Variants in CCR3 observed in about 807,000 individuals in gnomAD.
CCR3 encodes C-C motif chemokine receptor 3.
For missense variants in CCR3, 419 were observed against 437.5 expected (o/e 0.96, Z 0.38); for synonymous variants, 203 against 179.2 (o/e 1.13, Z -1.06).
chr3:46,259,659 G>T (rs1302545891), intron 1 of CCR3, among the ~76,000 whole-genome samples: 7 of 152,118 alleles, frequency 4.6e-5, no homozygotes, highest in Non-Finnish European at 1.0e-4. Context: ...TATAAGGAGA[G>T]AATAAATTCC....
intron 2 of CCR3, among the ~76,000 whole-genome samples, chr3:46,231,196 T>A (rs1421558313): frequency 6.6e-6 from 1 of 152,208 alleles, no homozygotes; most frequent in East Asian, 1.9e-4. Flanking sequence ...GTGCTGGGAT[T>A]ACAGGCATAA....
chr3:46,260,999 T>C (rs2125934996), intron 1 of CCR3, among the ~76,000 whole-genome samples: 1 of 152,334 alleles, frequency 6.6e-6, no homozygotes, highest in African/African-American at 2.4e-5. Flanking sequence ...TCTCTCATTC[T>C]TTCTCTCCCT....
upstream of CCR3, among the ~76,000 whole-genome samples, chr3:46,240,515 C>T (rs561023953): frequency 2.6e-4 from 40 of 152,096 alleles, no homozygotes; most frequent in Non-Finnish European, 5.0e-4. Context: ...TCCATGAAGC[C>T]GTTCCCAGTC....
intron 2 of CCR3, among the ~76,000 whole-genome samples, chr3:46,221,124 A>G (rs1699831207): frequency 6.6e-6 from 1 of 152,260 alleles, no homozygotes; most frequent in African/African-American, 2.4e-5. Context: ...TAAGTTCACA[A>G]CTTGAACTTG....
At chr3:46,232,749 G>A (rs1178434517) in intron 2 of CCR3, among the ~76,000 whole-genome samples, 5 of 152,170 alleles carry the variant, frequency 3.3e-5, no homozygotes, top group Non-Finnish European at 7.3e-5. Context: ...AATCACAGGT[G>A]GCCCACCACC....
At chr3:46,253,603 G>C (rs769186575) in intron 1 of CCR3, among the ~76,000 whole-genome samples, 1 of 152,050 alleles carries the variant, frequency 6.6e-6, no homozygotes, top group Non-Finnish European at 1.5e-5. Context: ...TATTAATTTA[G>C]ATTAAATTAA....
chr3:46,247,076 TAG>T (rs1559532793), intron 1 of CCR3, among the ~76,000 whole-genome samples: 1 of 152,066 alleles, frequency 6.6e-6, no homozygotes, highest in Non-Finnish European at 1.5e-5. Flanking sequence ...GACATCTGAT[TAG>T]AGAGTGCCTA....
chr3:46,214,272 C>T (rs932646522), intron 2 of CCR3, among the ~76,000 whole-genome samples: 16 of 152,130 alleles, frequency 1.1e-4, no homozygotes, highest in Non-Finnish European at 2.4e-4. Context: ...CACCTCTCAC[C>T]TCCCCTGCTA....
chr3:46,235,052 G>A (rs150597550), intron 2 of CCR3, among the ~76,000 whole-genome samples: 21 of 152,310 alleles, frequency 1.4e-4, no homozygotes, highest in African/African-American at 5.1e-4. Context: ...TTTTAAATTG[G>A]TCAGATTTGG....
chr3:46,229,663 G>A (rs1575490091), intron 2 of CCR3, among the ~76,000 whole-genome samples: 2 of 152,218 alleles, frequency 1.3e-5, no homozygotes, highest in South Asian at 4.1e-4. Context: ...TAACAGATGT[G>A]TACAGCTGTC....
At chr3:46,224,184 T>C (rs77045368) in intron 2 of CCR3, among the ~76,000 whole-genome samples, 3,351 of 152,262 alleles carry the variant, frequency 0.022, 115 homozygotes, top group African/African-American at 0.067. Context: ...TCTGCATCAC[T>C]AATCATTTGA....
rs114524718 is a variant in CCR3, at chr3:46,219,049, C to T, written c.-68+8142C>T. 2.9e-3 allele frequency among the ~76,000 whole-genome samples: 443 copies of T among 152,188 alleles called. 1 individual carries two copies. The highest frequency in any genetic ancestry group is 0.01 in the African/African-American group (419 of 41,532). On this transcript the variant is annotated intron_variant, in intron 2 of 3. Coordinates refer to the CCR3 transcript ENST00000357422. ...GAAGAAGTCAAACTGTCGCTGTTTG[C>T]CCATGATATGATCACATACCTAGAA...
chr3:46,251,497 G>A (rs552899750), intron 1 of CCR3, among the ~76,000 whole-genome samples: 4 of 152,212 alleles, frequency 2.6e-5, no homozygotes, highest in South Asian at 2.1e-4. Context: ...TGGGCTGGTC[G>A]GTCTGAGGAC....
chr3:46,254,367 C>CA (rs1160143266), intron 1 of CCR3, among the ~76,000 whole-genome samples: 2 of 152,108 alleles, frequency 1.3e-5, no homozygotes, highest in African/African-American at 2.4e-5. Flanking sequence ...CACAAAAGAA[C>CA]AGTTTGGGAG....
At position 46,225,532 on chromosome 3, in the gene CCR3, T is replaced by C. The variant is rs563376062; in HGVS notation, c.-68+14625T>C. 3.3e-5 allele frequency among the ~76,000 whole-genome samples: 5 copies of C among 152,236 alleles called. 1 individual carries two copies. Among genetic ancestry groups the C allele is most frequent in the Non-Finnish European group, 7.3e-5 (5 of 68,034 alleles). The stretch of plus-strand genomic sequence containing the variant: ...GGCTGTATTATTTTATGTTCCCAGC[T>C]GCAAAGTATGAGTGATTCATTTTCT... On this transcript the variant is annotated intron_variant, in intron 2 of 3. Coordinates refer to the CCR3 transcript ENST00000357422.
intron 1 of CCR3, among the ~76,000 whole-genome samples, chr3:46,251,935 G>A (rs754952092): frequency 7.9e-5 from 12 of 152,112 alleles, no homozygotes; most frequent in African/African-American, 9.7e-5. Flanking sequence ...TTGTGGTGGA[G>A]TGTCATCAGT....
intron 1 of CCR3, among the ~76,000 whole-genome samples, chr3:46,242,982 CATATAT>C (rs10662192): frequency 1.0e-5 from 1 of 99,326 alleles, no homozygotes; most frequent in Admixed American, 1.0e-4. Flanking sequence ...TATATATACA[CATATAT>C]ATATATATAT....
intron 2 of CCR3, among the ~76,000 whole-genome samples, chr3:46,220,038 G>T (rs1251444166): frequency 6.6e-6 from 1 of 152,226 alleles, no homozygotes; most frequent in Non-Finnish European, 1.5e-5. Flanking sequence ...GTAATAATCA[G>T]CAGAGTAAAC....
At chr3:46,259,981 T>C (rs1396610000) in intron 1 of CCR3, among the ~76,000 whole-genome samples, 2 of 152,196 alleles carry the variant, frequency 1.3e-5, no homozygotes, top group African/African-American at 4.8e-5. Context: ...TCCAGTTTCA[T>C]ATGGCTGGGG....
Sources: gnomAD v4.1 joint callset for allele counts (sites outside exome capture counted in the v4.1 genomes callset) on GRCh38, gnomAD v4.1.1 for gene constraint, MANE v1.5 for transcripts, NCBI Gene and HGNC (gene_info 2026-07-23, HGNC 2026-07-21) for gene names.